Variants in EEF1E1 observed in about 807,000 individuals in gnomAD.
EEF1E1 encodes the protein eukaryotic translation elongation factor 1 epsilon-1.
In EEF1E1, 19 loss-of-function variants were observed where a neutral mutation model predicts 19.9. The observed-to-expected ratio is 0.95, with a 90% CI of 0.66 to 1.40. The LOEUF (loss-of-function observed/expected upper bound fraction) is 1.40, where lower values mean the gene tolerates loss of function less well. Ranked by LOEUF, EEF1E1 falls within the 40% of genes most tolerant of loss-of-function variation. The pLI is 0.00. For synonymous variants in EEF1E1, 81 were observed against 80.0 expected, an observed-to-expected ratio of 1.01 and a Z score of -0.07; for missense variants, 198 against 202.2, an observed-to-expected ratio of 0.98 and a Z score of 0.13.
rs888581040 is a variant in EEF1E1 at position 8,083,215 on chromosome 6, C to T, written c.385-3185G>A. Among the ~76,000 whole-genome samples the T allele has an allele frequency of 1.1e-4, 16 of 152,308 alleles. No homozygotes were observed. The East Asian group carries it at 2.5e-3, about 24-fold the overall frequency. On this transcript the variant is annotated intron_variant, in intron 3 of 3. Transcript: ENST00000379715. ...GAGAAACACTTTAAGTGAACCGTTC[C>T]GGATCAGGGTGACACGCTGCTTTGC...
chr6:8,100,628 A>G (rs1758321818), intron 1 of EEF1E1, among the ~76,000 whole-genome samples: 1 of 152,212 alleles, frequency 6.6e-6, no homozygotes, highest in Non-Finnish European at 1.5e-5. Context: ...ACCCCTCTTC[A>G]GCACACAACT....
At chr6:8,097,964 T>G (rs1758218134) in intron 1 of EEF1E1, among the ~76,000 whole-genome samples, 1 of 152,156 alleles carries the variant, frequency 6.6e-6, no homozygotes, top group African/African-American at 2.4e-5. Flanking sequence ...CAATGCATTA[T>G]GAGAAATGTA....
intron 3 of EEF1E1, chr6:8,073,575 CTAAATGCTCAA>C: frequency 6.5e-7 from 1 of 1,534,150 alleles, no homozygotes; most frequent in Non-Finnish European, 8.8e-7. Context: ...CTGATACACA[CTAAATGCTCAA>C]TAAATGTTAT....
intron 3 of EEF1E1, among the ~76,000 whole-genome samples, chr6:8,086,479 A>T (rs1051907513): frequency 2.6e-5 from 4 of 152,190 alleles, no homozygotes; most frequent in Admixed American, 1.3e-4. Context: ...ACTTTGCTTT[A>T]TGAGGCAGAT....
At chr6:8,083,848 C>T (rs1415607308) in intron 3 of EEF1E1, among the ~76,000 whole-genome samples, 1 of 152,174 alleles carries the variant, frequency 6.6e-6, no homozygotes, top group Non-Finnish European at 1.5e-5. Context: ...GGCCAATCTG[C>T]ACCTCACACC....
At chr6:8,076,184 C>T (rs1356182333), downstream of EEF1E1, among the ~76,000 whole-genome samples, 1 of 151,792 alleles carries the variant, frequency 6.6e-6, no homozygotes, top group African/African-American at 2.4e-5. Context: ...GACCTCTTCC[C>T]GTGAATCACA....
At chr6:8,081,381 T>C (rs1214468628) in intron 3 of EEF1E1, among the ~76,000 whole-genome samples, 2 of 152,200 alleles carry the variant, frequency 1.3e-5, no homozygotes, top group East Asian at 3.8e-4. Flanking sequence ...AGAAAACTGG[T>C]CAAGTATGTC....
chr6:8,074,496 G>A (rs1460975392), downstream of EEF1E1, among the ~76,000 whole-genome samples: 2 of 152,108 alleles, frequency 1.3e-5, no homozygotes, highest in African/African-American at 2.4e-5. Flanking sequence ...TAAGCCCGGC[G>A]GAAGAAACAG....
intron 1 of EEF1E1, among the ~76,000 whole-genome samples, chr6:8,101,242 AAATATATAT>A (rs1325582927): frequency 9.1e-5 from 7 of 76,982 alleles, no homozygotes; most frequent in Non-Finnish European, 1.7e-4. Context: ...AAAAAAAAAA[AAATATATAT>A]ATATATATAT....
chr6:8,099,608 G>A (rs1465260404), intron 1 of EEF1E1, among the ~76,000 whole-genome samples: 2 of 152,004 alleles, frequency 1.3e-5, no homozygotes, highest in Non-Finnish European at 2.9e-5. Context: ...TTAGCCGGGC[G>A]TGGTGGCACA....
At chr6:8,089,490 G>A (rs1188551107) in intron 3 of EEF1E1, among the ~76,000 whole-genome samples, 1 of 152,172 alleles carries the variant, frequency 6.6e-6, no homozygotes, top group Admixed American at 6.5e-5. Context: ...AGGGCAGAAA[G>A]CATCCAGCAC....
Position 8,090,186 on chromosome 6 carries a change from T to C in EEF1E1, c.384A>G (p.Ile128Met), listed in dbSNP as rs760978113. 2.0e-6 allele frequency: 3 copies of C among 1,526,754 alleles called. No homozygotes were observed. Among genetic ancestry groups the C allele is most frequent in the South Asian group, 2.6e-5 (2 of 75,668 alleles). The allele number at this position is 1,526,754 out of a possible 1,614,324, so 94.6% of individuals were successfully genotyped here. A position where few individuals can be genotyped will look rare whatever the true frequency, so the allele number is the denominator to read the frequency against. ...AGCCAGTAACTATACAAATACTCACTATAAAGCGATGAAGTCCATAGTACA... is the reference window on the plus strand; with the variant it reads ...AGCCAGTAACTATACAAATACTCACCATAAAGCGATGAAGTCCATAGTACA... ...ILLYYGLHRF[I>M]VDLTVQEKEK... is the part of the protein sequence containing the mutation. The change falls in exon 3 of 4, where the codon ATA becomes ATG. Residue 128 changes from isoleucine (I) to methionine (M), a missense_variant and splice_region_variant. Transcript: ENST00000379715.
chr6:8,073,558 A>C (rs576286823), intron 3 of EEF1E1: 1 of 1,549,286 alleles, frequency 6.5e-7, no homozygotes, highest in African/African-American at 1.4e-5. Context: ...AGCACTTAGA[A>C]TAGTGCCTGA....
At chr6:8,080,065 A>C in intron 3 of EEF1E1, 35 bp from the exon 4 acceptor site, 1 of 1,607,302 alleles carries the variant, frequency 6.2e-7, no homozygotes, top group African/African-American at 1.3e-5. Flanking sequence ...CACACAACAC[A>C]GATGTTACAT....
intron 1 of EEF1E1, among the ~76,000 whole-genome samples, chr6:8,099,791 C>CACACACACACACACAAAA (rs768224090): frequency 2.6e-5 from 3 of 114,624 alleles, no homozygotes; most frequent in African/African-American, 1.0e-4. Flanking sequence ...CACACACACA[C>CACACACACACACACAAAA]AAAAAAAAAA....
chr6:8,102,314 G>C, intron 1 of EEF1E1, 121 bp downstream of exon 1: 1 of 1,066,430 alleles, frequency 9.4e-7, no homozygotes, highest in Non-Finnish European at 1.3e-6. Context: ...CAGACACGTG[G>C]GGAGCTGGGT....
chr6:8,082,998 C>T (rs1357348086), intron 3 of EEF1E1, among the ~76,000 whole-genome samples: 1 of 152,226 alleles, frequency 6.6e-6, no homozygotes, highest in African/African-American at 2.4e-5. Flanking sequence ...TTTCTTACAA[C>T]AGGAAACAAT....
In EEF1E1 at chr6:8,086,678, T is replaced by G. The variant is rs570688686; in HGVS notation, c.384+3508A>C. ...TCAAGTTTCCTAAGCATTAGTTTCT[T>G]TCTCTGTAAAAGAAGGCCAATAACA... On this transcript the variant is annotated intron_variant, in intron 3 of 3. Transcript: ENST00000379715. 5.5e-4 allele frequency among the ~76,000 whole-genome samples: 84 copies of G among 152,320 alleles called. 2 individuals are homozygous for G. The highest frequency in any genetic ancestry group is 1.7e-3 in the African/African-American group (72 of 41,568).
At chr6:8,079,341 G>T, downstream of EEF1E1, 2 of 914,150 alleles carry the variant, frequency 2.2e-6, no homozygotes, top group Non-Finnish European at 2.6e-6. Flanking sequence ...CAGTTCAGTA[G>T]TTAGTTTCAC....
Sources: gnomAD v4.1 joint callset for allele counts (sites outside exome capture counted in the v4.1 genomes callset) on GRCh38, gnomAD v4.1.1 for gene constraint, MANE v1.5 for transcripts, NCBI Gene and HGNC (gene_info 2026-07-23, HGNC 2026-07-21) for gene names.